PIGN: variants seen among roughly 807,000 people sequenced by gnomAD.
PIGN encodes phosphatidylinositol glycan anchor biosynthesis class N.
In PIGN, 117 loss-of-function variants were observed where a neutral mutation model predicts 125.4. That is an observed-to-expected ratio of 0.93 (90% CI 0.80 to 1.09). The LOEUF (loss-of-function observed/expected upper bound fraction) is 1.09, where lower values mean the gene tolerates loss of function less well. Ranked by LOEUF, PIGN falls within the 50% of genes least tolerant of loss-of-function variation. PIGN has a pLI of 0.00. For synonymous variants in PIGN, 392 were observed against 377.8 expected (o/e 1.04, Z -0.44); for missense variants, 1,075 against 1,094.9 (o/e 0.98, Z 0.26).
At chr18:62,046,119 C>T (rs1331074622) in intron 30 of PIGN, 140 bp from the exon 31 acceptor site, 1 of 801,660 alleles carries the variant, frequency 1.2e-6, no homozygotes, top group African/African-American at 1.7e-5. Context: ...CCTTATTCCT[C>T]CTGCTAAGTA....
At chr18:62,026,673 C>T (rs912573737) in intron 23 of PIGN, among the ~76,000 whole-genome samples, 5 of 152,166 alleles carry the variant, frequency 3.3e-5, no homozygotes, top group South Asian at 2.1e-4. Context: ...TTTCTTCACA[C>T]GGAGAACCCC....
intron 14 of PIGN, among the ~76,000 whole-genome samples, chr18:62,121,884 T>C (rs938193687): frequency 3.5e-5 from 5 of 142,460 alleles, no homozygotes; most frequent in African/African-American, 1.2e-4. Flanking sequence ...TAGATATATA[T>C]ACCTAGTAGT....
At chr18:62,167,992 G>C (rs975840544) in intron 1 of PIGN, among the ~76,000 whole-genome samples, 1 of 152,114 alleles carries the variant, frequency 6.6e-6, no homozygotes, top group Non-Finnish European at 1.5e-5. Flanking sequence ...TCAGGAGTTT[G>C]AGACCAGCCT....
chr18:62,102,450 A>C (rs1037295234), intron 21 of PIGN, among the ~76,000 whole-genome samples: 23 of 151,352 alleles, frequency 1.5e-4, no homozygotes, highest in Non-Finnish European at 2.8e-4. Flanking sequence ...AACATACCCC[A>C]GGCTGCTTTC....
chr18:62,180,640 T>C (rs2037684776), intron 1 of PIGN, among the ~76,000 whole-genome samples: 1 of 152,138 alleles, frequency 6.6e-6, no homozygotes, highest in South Asian at 2.1e-4. Context: ...TGGGTCTCTC[T>C]TCCTTTCAAC....
chr18:62,072,469 C>T (rs1810818906), intron 30 of PIGN: 1 of 406,250 alleles, frequency 2.5e-6, no homozygotes, highest in Non-Finnish European at 4.5e-6. Context: ...CAATTGCCTA[C>T]AGTATTCAGT....
intron 1 of PIGN, among the ~76,000 whole-genome samples, chr18:62,165,204 G>A (rs186667769): frequency 5.3e-5 from 8 of 152,242 alleles, no homozygotes; most frequent in African/African-American, 1.9e-4. Flanking sequence ...CCTCCTGTTC[G>A]GTCCCTCTTC....
intron 2 of PIGN, among the ~76,000 whole-genome samples, chr18:62,163,187 G>T (rs1396616066): frequency 6.6e-6 from 1 of 152,028 alleles, no homozygotes; most frequent in African/African-American, 2.4e-5. Flanking sequence ...AGTTCTTCAT[G>T]ACTTGCTCTT....
chr18:62,064,017 T>G (rs906384484), intron 30 of PIGN, among the ~76,000 whole-genome samples: 2 of 152,030 alleles, frequency 1.3e-5, no homozygotes, highest in African/African-American at 4.8e-5. Context: ...ACATGGCACA[T>G]GTATACATAT....
intron 19 of PIGN, 91 bp from the exon 20 acceptor site, chr18:62,105,725 G>C: frequency 1.5e-6 from 1 of 660,206 alleles, no homozygotes; most frequent in South Asian, 2.5e-5. Context: ...GAAGGTAAAA[G>C]GAAAATGCAA....
chr18:62,084,490 A>T, intron 27 of PIGN, 41 bp downstream of exon 27: 1 of 1,213,632 alleles, frequency 8.2e-7, no homozygotes, highest in South Asian at 1.4e-5. Flanking sequence ...AATCTTAATC[A>T]ATCAATAGCT....
intron 23 of PIGN, among the ~76,000 whole-genome samples, chr18:62,023,926 C>T (rs2030083681): frequency 6.6e-6 from 1 of 152,128 alleles, no homozygotes; most frequent in South Asian, 2.1e-4. Flanking sequence ...TTACTTAGAG[C>T]TAATATACCA....
At chr18:62,181,145 A>G (rs112505654) in intron 1 of PIGN, among the ~76,000 whole-genome samples, 252 of 152,324 alleles carry the variant, frequency 1.7e-3, no homozygotes, top group Admixed American at 4.4e-3. Context: ...AAGGTTTTAA[A>G]CCTTTACATT....
chr18:62,022,662 T>A (rs2030066140), intron 23 of PIGN, among the ~76,000 whole-genome samples: 1 of 152,216 alleles, frequency 6.6e-6, no homozygotes, highest in Non-Finnish European at 1.5e-5. Flanking sequence ...TACTGTTGGT[T>A]TTAAGTGTAT....
At chr18:62,159,693 A>G (rs923855068) in intron 4 of PIGN, among the ~76,000 whole-genome samples, 2 of 152,228 alleles carry the variant, frequency 1.3e-5, no homozygotes, top group Admixed American at 1.3e-4. Context: ...ACACAGCATT[A>G]GAGTTCATCC....
At chr18:62,022,220 TG>T (rs984402859) in intron 23 of PIGN, among the ~76,000 whole-genome samples, 8 of 152,164 alleles carry the variant, frequency 5.3e-5, no homozygotes, top group African/African-American at 1.9e-4. Flanking sequence ...CTTTACACTA[TG>T]GGGCAAAAAT....
In PIGN at chr18:62,113,366, C is replaced by G. The variant is rs377220039; in HGVS notation, c.1252-50G>C. 1.2e-4 allele frequency: 169 copies of G among 1,421,824 alleles called. No individual in the cohort carries two copies. The African/African-American group carries it at 2.2e-3, about 19-fold the overall frequency. 88.1% of individuals were successfully genotyped at this position (1,421,824 alleles called of 1,614,324 possible). On this transcript the variant is annotated intron_variant, in intron 15 of 30. Transcript: ENST00000640252. ...TTGCTAACAGAAATAATAAGAAAAC[C>G]TACATTTTAAAGAAAGGAAAATTTT...
intron 1 of PIGN, chr18:62,174,567 C>G (rs1054269958): frequency 1.3e-5 from 2 of 152,154 alleles, no homozygotes; most frequent in African/African-American, 4.8e-5. Context: ...CAGTAAAAAT[C>G]TAATTAGGCG....
chr18:62,021,527 A>T (rs1405950209), intron 23 of PIGN, among the ~76,000 whole-genome samples: 1 of 152,246 alleles, frequency 6.6e-6, no homozygotes, highest in African/African-American at 2.4e-5. Context: ...GTTGCTGCAC[A>T]TGCAGTGGGG....
Sources: allele counts gnomAD v4.1 joint callset (sites outside exome capture counted in the v4.1 genomes callset), GRCh38; gene constraint gnomAD v4.1.1; transcripts MANE v1.5; gene names NCBI Gene and HGNC (gene_info 2026-07-23, HGNC 2026-07-21).